SAMMSON: variants seen among roughly 807,000 people sequenced by gnomAD.
SAMMSON encodes the protein survival associated mitochondrial melanoma specific oncogenic non-coding RNA.
At chr3:70,346,311 G>GTT (rs3050213) in intron 7 of SAMMSON, among the ~76,000 whole-genome samples, 172 of 140,674 alleles carry the variant, frequency 1.2e-3, no homozygotes, top group African/African-American at 1.4e-3. Flanking sequence ...TTTGCTCATT[G>GTT]TTTTTTTTTT....
At chr3:70,147,615 A>C (rs1171542605) in intron 4 of SAMMSON, among the ~76,000 whole-genome samples, 2 of 152,112 alleles carry the variant, frequency 1.3e-5, no homozygotes, top group Non-Finnish European at 2.9e-5. Flanking sequence ...GCAAGAAAAT[A>C]AACCTTGACC....
intron 4 of SAMMSON, among the ~76,000 whole-genome samples, chr3:70,243,149 T>C (rs1360642326): frequency 6.6e-6 from 1 of 152,162 alleles, no homozygotes; most frequent in Non-Finnish European, 1.5e-5. Flanking sequence ...CCTGTGCCTT[T>C]TGTCTTCTGC....
intron 6 of SAMMSON, among the ~76,000 whole-genome samples, chr3:70,262,208 T>C (rs1258994959): frequency 1.3e-5 from 2 of 152,112 alleles, no homozygotes; most frequent in Non-Finnish European, 2.9e-5. Context: ...AATCATATGA[T>C]GAAAGGATGA....
At chr3:70,003,100 G>A (rs1215570966) in intron 1 of SAMMSON, among the ~76,000 whole-genome samples, 1 of 151,880 alleles carries the variant, frequency 6.6e-6, no homozygotes, top group Non-Finnish European at 1.5e-5. Flanking sequence ...TTATTTATTT[G>A]CCTCTGTTTA....
At chr3:70,067,009 C>G (rs1449059858) in intron 3 of SAMMSON, among the ~76,000 whole-genome samples, 1 of 151,982 alleles carries the variant, frequency 6.6e-6, no homozygotes, top group East Asian at 1.9e-4. Flanking sequence ...TGTTTTTCCC[C>G]TTCATTCTCA....
intron 4 of SAMMSON, among the ~76,000 whole-genome samples, chr3:70,105,830 C>T (rs2067365404): frequency 6.6e-6 from 1 of 152,166 alleles, no homozygotes; most frequent in Non-Finnish European, 1.5e-5. Context: ...GAGAGAAGCT[C>T]TGTTTCTCCT....
intron 4 of SAMMSON, among the ~76,000 whole-genome samples, chr3:70,222,568 A>G (rs980253995): frequency 1.3e-5 from 2 of 152,194 alleles, no homozygotes; most frequent in Non-Finnish European, 2.9e-5. Flanking sequence ...AATAAATTTG[A>G]AGAGACTCAA....
chr3:70,183,714 T>A (rs575578107), intron 4 of SAMMSON: 1 of 152,314 alleles, frequency 6.6e-6, no homozygotes, highest in East Asian at 1.9e-4. Context: ...CATAGTGGCA[T>A]CATGTGAATG....
intron 6 of SAMMSON, among the ~76,000 whole-genome samples, chr3:70,276,253 G>A (rs1419422350): frequency 6.6e-6 from 1 of 151,966 alleles, no homozygotes; most frequent in Non-Finnish European, 1.5e-5. Flanking sequence ...TGTATTTAAA[G>A]CTATTTTAAA....
intron 1 of SAMMSON, among the ~76,000 whole-genome samples, chr3:70,010,635 T>C (rs1366358995): frequency 4.6e-5 from 7 of 152,160 alleles, no homozygotes; most frequent in Non-Finnish European, 1.0e-4. Context: ...TTTGGAGTAA[T>C]TGGCTCCAGA....
intron 8 of SAMMSON, among the ~76,000 whole-genome samples, chr3:70,356,290 A>C (rs1575632610): frequency 6.6e-6 from 1 of 152,130 alleles, no homozygotes; most frequent in Non-Finnish European, 1.5e-5. Flanking sequence ...GTTACCTATT[A>C]CCCCAAATCC....
chr3:70,263,527 G>C (rs1225182834), intron 6 of SAMMSON, among the ~76,000 whole-genome samples: 2 of 152,130 alleles, frequency 1.3e-5, no homozygotes, highest in Non-Finnish European at 2.9e-5. Flanking sequence ...AGCCCTGAAA[G>C]ATCTCTGGAA....
chr3:70,051,155 A>G (rs970797872), intron 3 of SAMMSON, among the ~76,000 whole-genome samples: 5 of 148,366 alleles, frequency 3.4e-5, no homozygotes, highest in South Asian at 2.1e-4. Flanking sequence ...AAAAAAAAAA[A>G]AAAAAGAAAA....
intron 6 of SAMMSON, among the ~76,000 whole-genome samples, chr3:70,256,938 TG>T (rs1406244866): frequency 5.3e-5 from 8 of 152,166 alleles, no homozygotes; most frequent in African/African-American, 1.9e-4. Context: ...GGATTATAAT[TG>T]GTCCACCCTG....
intron 3 of SAMMSON, among the ~76,000 whole-genome samples, chr3:70,050,543 T>C (rs2067142182): frequency 6.6e-6 from 1 of 152,130 alleles, no homozygotes; most frequent in African/African-American, 2.4e-5. Flanking sequence ...ATTTTAAAAA[T>C]TAATTACATA....
At chr3:70,417,841 C>A (rs976295913) in intron 2 of SAMMSON, among the ~76,000 whole-genome samples, 6 of 152,108 alleles carry the variant, frequency 3.9e-5, no homozygotes, top group Non-Finnish European at 8.8e-5. Context: ...TGGGTTAAAG[C>A]CAGGCTGGGT....
chr3:70,364,903 C>T (rs557703473), intron 9 of SAMMSON, among the ~76,000 whole-genome samples: 1 of 151,728 alleles, frequency 6.6e-6, no homozygotes, highest in Admixed American at 6.6e-5. Flanking sequence ...ATTTCATGTT[C>T]GTTTCTACTA....
intron 6 of SAMMSON, among the ~76,000 whole-genome samples, chr3:70,290,817 G>A (rs924031753): frequency 1.3e-5 from 2 of 152,190 alleles, no homozygotes; most frequent in African/African-American, 2.4e-5. Context: ...GGAGTGACCC[G>A]ATTTTCCAGG....
At chr3:70,395,331 CTTTT>C (rs71126501) in intron 2 of SAMMSON, among the ~76,000 whole-genome samples, 25 of 113,674 alleles carry the variant, frequency 2.2e-4, no homozygotes, top group African/African-American at 7.0e-4. Context: ...CTCTCTCTCT[CTTTT>C]TTTTTTTTTT....
Sources: allele counts gnomAD v4.1 joint callset (sites outside exome capture counted in the v4.1 genomes callset), GRCh38; gene constraint gnomAD v4.1.1; transcripts MANE v1.5; gene names NCBI Gene and HGNC (gene_info 2026-07-23, HGNC 2026-07-21).